PCDH15: variants seen among roughly 807,000 people sequenced by gnomAD.
PCDH15 encodes protocadherin-15.
In PCDH15, 129 loss-of-function variants were observed where a neutral mutation model predicts 178.5. The ratio of observed to expected loss-of-function variants is 0.72; its 90% CI spans 0.63 to 0.84. PCDH15 has a LOEUF of 0.84. Among genes scored for constraint, PCDH15 ranks in the 40% least tolerant of loss-of-function variants. The pLI, the probability that PCDH15 is intolerant of heterozygous loss-of-function variation, is 0.00. For missense variants in PCDH15, 2,230 were observed against 2,099.9 expected, an observed-to-expected ratio of 1.06 and a Z score of -1.21; for synonymous variants, 800 against 732.0, an observed-to-expected ratio of 1.09 and a Z score of -1.50.
chr10:54,256,923 A>G (rs1476029762), intron 8 of PCDH15, among the ~76,000 whole-genome samples: 2 of 152,132 alleles, frequency 1.3e-5, no homozygotes, highest in Non-Finnish European at 2.9e-5. Context: ...TTACACTGAA[A>G]TGTAAGCTCC....
intron 8 of PCDH15, among the ~76,000 whole-genome samples, chr10:54,266,387 C>A (rs551631194): frequency 6.6e-6 from 1 of 151,434 alleles, no homozygotes; most frequent in African/African-American, 2.4e-5. Flanking sequence ...TAACATTGCA[C>A]CTAAAGAAAT....
chr10:54,566,990 AT>A (rs2089146196), intron 2 of PCDH15, among the ~76,000 whole-genome samples: 1 of 152,158 alleles, frequency 6.6e-6, no homozygotes, highest in South Asian at 2.1e-4. Context: ...GTTCAACAGC[AT>A]TTGGTGTCAT....
At chr10:54,409,073 T>C (rs1953100002) in intron 3 of PCDH15, among the ~76,000 whole-genome samples, 1 of 152,170 alleles carries the variant, frequency 6.6e-6, no homozygotes, top group Non-Finnish European at 1.5e-5. Context: ...CTGATGGTTT[T>C]ATAAGGGGAA....
chr10:54,920,459 A>G (rs1409229139), intron 2 of PCDH15, among the ~76,000 whole-genome samples: 5 of 110,010 alleles, frequency 4.5e-5, no homozygotes, highest in African/African-American at 7.1e-5. Flanking sequence ...ACAGAGCAAG[A>G]CTGTGTCTCA....
intron 13 of PCDH15, among the ~76,000 whole-genome samples, chr10:54,174,767 G>A (rs1335248913): frequency 3.6e-5 from 5 of 137,028 alleles, no homozygotes; most frequent in African/African-American, 8.3e-5. Flanking sequence ...GTGCAATGGC[G>A]CGATCTTGGC....
chr10:55,408,838 A>G (rs1838267103), intron 2 of PCDH15, among the ~76,000 whole-genome samples: 1 of 152,146 alleles, frequency 6.6e-6, no homozygotes, highest in Non-Finnish European at 1.5e-5. Flanking sequence ...TATCTAAGTC[A>G]TGGATGATCT....
At chr10:55,130,582 T>C (rs1265472615) in intron 2 of PCDH15, among the ~76,000 whole-genome samples, 1 of 152,098 alleles carries the variant, frequency 6.6e-6, no homozygotes, top group Non-Finnish European at 1.5e-5. Flanking sequence ...TGTAAGTCAA[T>C]GTCTACTCAT....
In PCDH15 at chr10:55,216,681, G is replaced by A. The variant is rs77654307; in HGVS notation, c.-155-50030C>T. On this transcript the variant is annotated intron_variant, in intron 1 of 5. Coordinates refer to the PCDH15 transcript ENST00000458638. ...TTTAATAATTATAAAATTTATATAT[G>A]TATTAAAACATGTTGTACTCCATAA... Among the ~76,000 whole-genome samples, 8 of 151,904 alleles carry A rather than the reference G, an allele frequency of 5.3e-5. No homozygotes were observed. In the East Asian group the frequency reaches 1.5e-3, roughly 29 times the overall value.
chr10:54,001,474 C>CTGTT (rs1352615944), intron 20 of PCDH15, among the ~76,000 whole-genome samples: 42 of 152,074 alleles, frequency 2.8e-4, no homozygotes, highest in African/African-American at 9.9e-4. Flanking sequence ...TTTTTCTTGT[C>CTGTT]TGTTTATGCA....
chr10:54,635,315 G>A (rs932723922), intron 2 of PCDH15, among the ~76,000 whole-genome samples: 53 of 151,376 alleles, frequency 3.5e-4, no homozygotes, highest in African/African-American at 9.0e-4. Flanking sequence ...TCAAAAACTC[G>A]AGTAAAACAA....
chr10:55,370,492 T>C (rs1057166255), intron 2 of PCDH15, among the ~76,000 whole-genome samples: 11 of 152,094 alleles, frequency 7.2e-5, no homozygotes, highest in African/African-American at 2.2e-4. Flanking sequence ...AAACAACTAA[T>C]GAATCGCCTG....
At chr10:55,225,399 G>C (rs1196421190) in intron 1 of PCDH15, among the ~76,000 whole-genome samples, 1 of 151,990 alleles carries the variant, frequency 6.6e-6, no homozygotes, top group Non-Finnish European at 1.5e-5. Flanking sequence ...AACCCCTTTA[G>C]AGCAAGATAG....
chr10:53,822,643 C>T, intron 32 of PCDH15: 1 of 1,614,060 alleles, frequency 6.2e-7, no homozygotes, highest in East Asian at 2.2e-5. Context: ...AAGGAACACT[C>T]AGCAGGAGAA....
At chr10:54,232,071 G>A (rs948831514) in intron 9 of PCDH15, among the ~76,000 whole-genome samples, 2 of 151,778 alleles carry the variant, frequency 1.3e-5, no homozygotes, top group Admixed American at 6.6e-5. Flanking sequence ...GGAACCAGGG[G>A]TTTCATGATA....
intron 1 of PCDH15, among the ~76,000 whole-genome samples, chr10:54,690,871 T>C (rs986902832): frequency 5.9e-5 from 9 of 152,100 alleles, no homozygotes; most frequent in Admixed American, 1.3e-4. Context: ...ATGACCATCA[T>C]TGAAGGTCAA....
At chr10:55,201,897 G>T (rs1674908410) in intron 1 of PCDH15, among the ~76,000 whole-genome samples, 1 of 151,954 alleles carries the variant, frequency 6.6e-6, no homozygotes, top group South Asian at 2.1e-4. Flanking sequence ...ATAATAAAAG[G>T]CCAGTTTTTC....
intron 14 of PCDH15, among the ~76,000 whole-genome samples, chr10:54,135,263 TTTAAA>T (rs1459226796): frequency 7.2e-5 from 11 of 152,186 alleles, no homozygotes; most frequent in African/African-American, 2.2e-4. Flanking sequence ...GTAATCTCAC[TTTAAA>T]TTAAAATATT....
chr10:54,402,075 C>T (rs149767096), intron 3 of PCDH15, among the ~76,000 whole-genome samples: 359 of 151,728 alleles, frequency 2.4e-3, no homozygotes, highest in Non-Finnish European at 4.2e-3. Flanking sequence ...ACCAAGAATG[C>T]ATGGTTGGTT....
chr10:54,120,422 C>G (rs2095195739), intron 15 of PCDH15, among the ~76,000 whole-genome samples: 1 of 152,068 alleles, frequency 6.6e-6, no homozygotes, highest in African/African-American at 2.4e-5. Flanking sequence ...CAATATTAAC[C>G]TGGTACATAA....
Sources: allele counts gnomAD v4.1 joint callset (sites outside exome capture counted in the v4.1 genomes callset), GRCh38; gene constraint gnomAD v4.1.1; transcripts MANE v1.5; gene names NCBI Gene and HGNC (gene_info 2026-07-23, HGNC 2026-07-21).